ATP13A5: variants seen among roughly 807,000 people sequenced by gnomAD.
The protein encoded by ATP13A5 is ATPase 13A5, also known as probable cation-transporting ATPase 13A5.
A neutral mutation model predicts 150.2 loss-of-function variants in ATP13A5; 149 were observed. The ratio of observed to expected loss-of-function variants is 0.99; its 90% CI spans 0.87 to 1.14. The LOEUF (loss-of-function observed/expected upper bound fraction) is 1.14, where lower values mean the gene tolerates loss of function less well. Among genes scored for constraint, ATP13A5 ranks in the 50% most tolerant of loss-of-function variants. The probability of loss-of-function intolerance (pLI) is 0.00; values close to 1 mark genes in which losing one functional copy is unlikely to be tolerated. For missense variants in ATP13A5, 1,383 were observed against 1,449.3 expected, an observed-to-expected ratio of 0.95 and a Z score of 0.74; for synonymous variants, 497 against 522.2, an observed-to-expected ratio of 0.95 and a Z score of 0.66.
Position 193,331,158 on chromosome 3 carries a change from T to G in ATP13A5, c.1426A>C (p.Met476Leu), listed in dbSNP as rs764391170. Reference protein sequence around the residue: ...IFCISPQRINMCGQINLVCFD... With the variant: ...IFCISPQRINLCGQINLVCFD... ...CACACGAGGTTTATTTGCCCACACATGTTGATTCTCTGTGGGGAGATACAG... is the reference window on the plus strand; with the variant it reads ...CACACGAGGTTTATTTGCCCACACAGGTTGATTCTCTGTGGGGAGATACAG... Residue 476 changes from methionine to leucine, a missense_variant, in exon 12 of 30, where the codon ATG becomes CTG. Coordinates refer to ENST00000342358, the MANE Select transcript of ATP13A5 (RefSeq NM_198505.4). 5.0e-6 allele frequency: 8 copies of G among 1,614,032 alleles called. No homozygotes were observed. The South Asian group carries it at 6.6e-5, about 13-fold the overall frequency.
chr3:193,378,381 C>T (rs149679967), intron 1 of ATP13A5, among the ~76,000 whole-genome samples: 1,765 of 152,260 alleles, frequency 0.012, 18 homozygotes, highest in Non-Finnish European at 0.015. Flanking sequence ...GAGCACCATG[C>T]GGGGCTCTGC....
chr3:193,350,470 C>G (rs532022237), intron 7 of ATP13A5, among the ~76,000 whole-genome samples: 1 of 152,222 alleles, frequency 6.6e-6, no homozygotes, highest in Admixed American at 6.6e-5. Flanking sequence ...GAAACACTGC[C>G]TTATTGAGTA....
intron 12 of ATP13A5, among the ~76,000 whole-genome samples, chr3:193,328,521 T>G (rs1262072745): frequency 6.6e-6 from 1 of 152,170 alleles, no homozygotes; most frequent in Non-Finnish European, 1.5e-5. Context: ...ATTTTGAACA[T>G]GAAAACAGAG....
At chr3:193,317,027 T>C (rs1282607305) in intron 17 of ATP13A5, among the ~76,000 whole-genome samples, 3 of 152,058 alleles carry the variant, frequency 2.0e-5, no homozygotes, top group Non-Finnish European at 4.4e-5. Flanking sequence ...AACAGGCAAA[T>C]GTTCTTTGTT....
At chr3:193,329,128 C>T (rs1362828190) in intron 12 of ATP13A5, among the ~76,000 whole-genome samples, 3 of 152,028 alleles carry the variant, frequency 2.0e-5, no homozygotes, top group African/African-American at 7.3e-5. Context: ...GCCTGTAATC[C>T]CAGCTACTCG....
intron 7 of ATP13A5, among the ~76,000 whole-genome samples, chr3:193,348,283 C>T (rs1223672358): frequency 2.0e-5 from 3 of 152,082 alleles, no homozygotes; most frequent in Admixed American, 6.6e-5. Context: ...ATTTGCATAT[C>T]GTTATTATTC....
intron 18 of ATP13A5, among the ~76,000 whole-genome samples, chr3:193,314,728 G>A (rs541965691): frequency 2.6e-5 from 4 of 152,262 alleles, no homozygotes; most frequent in Admixed American, 1.3e-4. Context: ...TTGAGGCACC[G>A]CACAGATCCT....
At chr3:193,332,730 A>G (rs762856781) in intron 11 of ATP13A5, among the ~76,000 whole-genome samples, 8 of 152,136 alleles carry the variant, frequency 5.3e-5, no homozygotes, top group Non-Finnish European at 1.2e-4. Flanking sequence ...GAACCAGTGC[A>G]GATAGAGGCA....
At chr3:193,275,406 G>C in intron 29 of ATP13A5, 104 bp from the exon 30 acceptor site, 1 of 1,332,182 alleles carries the variant, frequency 7.5e-7, no homozygotes, top group South Asian at 1.4e-5. Context: ...TTCCTCTGAG[G>C]TGTGCTCATT....
At chr3:193,326,577 C>T (rs1719473557) in intron 13 of ATP13A5, among the ~76,000 whole-genome samples, 1 of 152,152 alleles carries the variant, frequency 6.6e-6, no homozygotes, top group South Asian at 2.1e-4. Context: ...GACATTTCTG[C>T]CTTAATAGTA....
chr3:193,362,567 C>G lies in ATP13A5; in HGVS notation c.455G>C (p.Gly152Ala), dbSNP rs553434720. Residue 152 changes from glycine (G) to alanine (A), a missense_variant and splice_region_variant, in exon 4 of 30, where the codon GGG becomes GCG. Gly to Ala is a moderately conservative substitution (Grantham distance 60). Coordinates refer to ENST00000342358, the MANE Select transcript of ATP13A5 (RefSeq NM_198505.4). ...NDLEKRFQKV[G>A]LLEDSNSCSD... is the part of the protein sequence containing the mutation. ...AGGGGTGACAAAACATTGTACTTAC[C>G]CAACTTTCTGAAACCGCTTCTCCAG... 1.2e-6 allele frequency: 2 copies of G among 1,614,084 alleles called. No homozygotes were observed. Among genetic ancestry groups the G allele is most frequent in the Non-Finnish European group, 1.7e-6 (2 of 1,179,972 alleles).
rs561006534 is a variant in ATP13A5, at chr3:193,303,030, C to T, written c.2679-1723G>A. ...GGGCCACATGCATGAGGAGGAGCAT[C>T]TGAAGTTCGAATGCCACTGCATGTT... On this transcript the variant is annotated intron_variant, in intron 23 of 29. Coordinates refer to ENST00000342358, the MANE Select transcript of ATP13A5 (RefSeq NM_198505.4). 2.0e-5 allele frequency among the ~76,000 whole-genome samples: 3 copies of T among 152,290 alleles called. No homozygotes were observed. The South Asian group carries it at 6.2e-4, about 32-fold the overall frequency.
At chr3:193,292,052 G>A (rs1717975383) in intron 25 of ATP13A5, among the ~76,000 whole-genome samples, 1 of 152,020 alleles carries the variant, frequency 6.6e-6, no homozygotes, top group African/African-American at 2.4e-5. Flanking sequence ...TGTGGCTGGT[G>A]TCTGAAGTGA....
intron 9 of ATP13A5, among the ~76,000 whole-genome samples, chr3:193,343,137 TC>T (rs1204269752): frequency 6.6e-6 from 1 of 152,188 alleles, no homozygotes; most frequent in Non-Finnish European, 1.5e-5. Context: ...TAAAACATTT[TC>T]CCTGTCTTTA....
chr3:193,366,288 C>T (rs1713234892), intron 1 of ATP13A5, among the ~76,000 whole-genome samples: 1 of 151,926 alleles, frequency 6.6e-6, no homozygotes, highest in African/African-American at 2.4e-5. Flanking sequence ...GGCCTTAATG[C>T]TATGATTAAA....
intron 2 of ATP13A5, 111 bp downstream of exon 2, chr3:193,363,996 A>G (rs1037833802): frequency 8.3e-7 from 1 of 1,211,850 alleles, no homozygotes; most frequent in Non-Finnish European, 1.2e-6. Context: ...AACTCTTTAA[A>G]TAGAGGAAAT....
intron 6 of ATP13A5, among the ~76,000 whole-genome samples, chr3:193,352,444 CTTAT>C (rs1712598987): frequency 6.6e-6 from 1 of 151,740 alleles, no homozygotes; most frequent in Non-Finnish European, 1.5e-5. Flanking sequence ...ATTCAGTTCT[CTTAT>C]TTAATATTCT....
At chr3:193,341,668 C>T (rs1045267623) in intron 9 of ATP13A5, among the ~76,000 whole-genome samples, 1 of 152,152 alleles carries the variant, frequency 6.6e-6, no homozygotes, top group African/African-American at 2.4e-5. Context: ...TTAGGACAGT[C>T]AGACAAGGGT....
Position 193,299,601 on chromosome 3 carries a change from C to T in ATP13A5, c.2776-398G>A, listed in dbSNP as rs115688061. On this transcript the variant is annotated intron_variant, in intron 24 of 29. Transcript: ENST00000342358. ...CATTCAATAGGCATTGCTCTCCATC[C>T]TCACCCATGGTATGAGTTTACAACA... 5.0e-3 allele frequency among the ~76,000 whole-genome samples: 758 copies of T among 152,218 alleles called. 8 individuals carry two copies. Among genetic ancestry groups the T allele is most frequent in the African/African-American group, 0.017 (727 of 41,550 alleles).
Sources: allele counts gnomAD v4.1 joint callset (sites outside exome capture counted in the v4.1 genomes callset), GRCh38; gene constraint gnomAD v4.1.1; transcripts MANE v1.5; gene names NCBI Gene and HGNC (gene_info 2026-07-23, HGNC 2026-07-21).